The following MUC13 variants were observed in gnomAD, a reference collection of about 807,000 sequenced individuals.
MUC13 encodes the protein mucin 13, cell surface associated.
Under a neutral mutation model 48.3 loss-of-function variants are expected in MUC13, and 32 were observed. That is an observed-to-expected ratio of 0.66 (90% CI 0.50 to 0.89). MUC13 has a LOEUF of 0.89. Among genes scored for constraint, MUC13 ranks in the 40% least tolerant of loss-of-function variants. The pLI, the probability that MUC13 is intolerant of heterozygous loss-of-function variation, is 0.00. For synonymous variants in MUC13, 199 were observed against 224.9 expected, an observed-to-expected ratio of 0.88 and a Z score of 1.03; for missense variants, 571 against 622.8, an observed-to-expected ratio of 0.92 and a Z score of 0.88.
intron 1 of MUC13, among the ~76,000 whole-genome samples, chr3:124,931,920 C>T (rs992595343): frequency 1.1e-4 from 16 of 151,818 alleles, no homozygotes; most frequent in African/African-American, 3.9e-4. Flanking sequence ...TAGTGAGCAC[C>T]TGTAATCCCA....
intron 11 of MUC13, 81 bp downstream of exon 11, chr3:124,908,066 A>C: frequency 7.3e-7 from 1 of 1,370,384 alleles, no homozygotes; most frequent in Non-Finnish European, 1.0e-6. Flanking sequence ...GCAGCCAAGG[A>C]TTGAAGATTC....
Position 124,908,158 on chromosome 3 carries a change from G to A in MUC13, c.1528C>T (p.Pro510Ser). ...GCCCACTGACTCACCTAATAGTCAG[G>A]GCGGGGCATGCTGCTGTGTCTTGAA... ...PYSRHSSMPR[P>S]DY Residue 510 changes from proline (P) to serine (S), a missense_variant, in exon 11 of 12, where the codon CCT (proline) becomes TCT (serine). Transcript: ENST00000616727. The A allele has an allele frequency of 6.2e-7, 1 of 1,614,078 alleles. No homozygotes were observed. Among genetic ancestry groups the A allele is most frequent in the East Asian group, 2.2e-5 (1 of 44,886 alleles).
rs1409847467 is a variant in MUC13 at position 124,907,657 on chromosome 3, T to TATAG, written c.*489_*490insCTAT. Among the ~76,000 whole-genome samples, 1,105 of 143,928 alleles carry TATAG rather than the reference T, an allele frequency of 7.7e-3. 15 individuals carry two copies. The highest frequency in any genetic ancestry group is 0.027 in the African/African-American group (1,030 of 38,796). The allele number at this position is 143,928 out of a possible 152,430, so 94.4% of individuals were successfully genotyped here. A position where few individuals can be genotyped will look rare whatever the true frequency, so the allele number is the denominator to read the frequency against. ...AACAAATAGAACTTATATATATATA[T>TATAG]AGAGAGAGAGAGAGAGAGAGAGAGT... On this transcript the variant is annotated intron_variant, in intron 11 of 11. Coordinates refer to ENST00000616727, the MANE Select transcript of MUC13 (RefSeq NM_033049.4).
At position 124,920,182 on chromosome 3, in the gene MUC13, G is replaced by A. The variant is rs550067570; in HGVS notation, c.800+52C>T. The A allele has an allele frequency of 3.1e-5, 46 of 1,493,970 alleles. No homozygotes were observed. In the South Asian group the frequency reaches 3.2e-4, roughly 10 times the overall value. The allele number at this position is 1,493,970 out of a possible 1,614,324, so 92.5% of individuals were successfully genotyped here. ...TACATGCAGACCTCAAGAGAAGCTC[G>A]GAAGTTAGACAGACACACATCTGCC... is the stretch of plus-strand genomic sequence containing the variant. On this transcript the variant is annotated intron_variant, in intron 5 of 11. Transcript: ENST00000616727.
chr3:124,915,225 G>A (rs995435376), intron 6 of MUC13, among the ~76,000 whole-genome samples: 15 of 152,214 alleles, frequency 9.9e-5, no homozygotes, highest in African/African-American at 3.4e-4. Flanking sequence ...TCTGATGACT[G>A]TTATGGTGGG....
At chr3:124,912,178 A>G (rs766533275) in intron 8 of MUC13, 37 bp from the exon 9 acceptor site, 2 of 1,608,134 alleles carry the variant, frequency 1.2e-6, no homozygotes, top group African/African-American at 1.3e-5. Flanking sequence ...AGTGTTAAAG[A>G]GCCCCTGTGG....
intron 5 of MUC13, among the ~76,000 whole-genome samples, chr3:124,919,996 A>C (rs1384535521): frequency 6.6e-6 from 1 of 152,240 alleles, no homozygotes; most frequent in East Asian, 1.9e-4. Flanking sequence ...GTTGTTGCAT[A>C]GCCAATCACA....
At chr3:124,927,247 A>C (rs988253526) in intron 2 of MUC13, among the ~76,000 whole-genome samples, 1 of 152,174 alleles carries the variant, frequency 6.6e-6, no homozygotes, top group Admixed American at 6.5e-5. Context: ...AAAGCTATAG[A>C]GCTACCTTTC....
intron 1 of MUC13, among the ~76,000 whole-genome samples, chr3:124,931,467 G>A (rs1935795678): frequency 6.6e-6 from 1 of 151,824 alleles, no homozygotes; most frequent in Non-Finnish European, 1.5e-5. Flanking sequence ...AAATTTTCAG[G>A]CCAGGCGCGG....
At chr3:124,921,067 T>G (rs1935586629) in intron 4 of MUC13, among the ~76,000 whole-genome samples, 1 of 152,194 alleles carries the variant, frequency 6.6e-6, no homozygotes, top group Non-Finnish European at 1.5e-5. Context: ...ATGTTACCAG[T>G]TCTAATAGTG....
At position 124,906,652 on chromosome 3, in the gene MUC13, G is replaced by A. The variant is rs1013951310; in HGVS notation, c.*91C>T. ...AACCCCGGAGGCCAGATCTTTACTG[G>A]TGCTCACTTCTCCATCAGTCTTTCT... On this transcript the variant is annotated 3_prime_UTR_variant, in exon 12 of 12. Coordinates refer to ENST00000616727, the MANE Select transcript of MUC13 (RefSeq NM_033049.4). 6.6e-6 allele frequency: 1 copy of A among 152,102 alleles called. No homozygotes were observed. Among genetic ancestry groups the A allele is most frequent in the Admixed American group, 6.5e-5 (1 of 15,270 alleles). The allele number at this position is 152,102 out of a possible 1,614,324, so 9.4% of individuals were successfully genotyped here.
chr3:124,913,478 A>G, intron 7 of MUC13, 84 bp downstream of exon 7: 1 of 1,596,892 alleles, frequency 6.3e-7, no homozygotes, highest in South Asian at 1.1e-5. Context: ...ATGCATGTGG[A>G]AACTAAAGGA....
In MUC13 at chr3:124,918,317, G is replaced by T. The variant is rs573319972; in HGVS notation, c.801-1837C>A. Among the ~76,000 whole-genome samples, 5 of 152,322 alleles carry T rather than the reference G, an allele frequency of 3.3e-5. No homozygotes were observed. The South Asian group carries it at 6.2e-4, about 19-fold the overall frequency. ...TTTGCCCTGCACTGGCCCCTGAGGTGGGGGAAGTAGTTCCCTCCATGCCTC... is the reference window on the plus strand; with the variant it reads ...TTTGCCCTGCACTGGCCCCTGAGGTTGGGGAAGTAGTTCCCTCCATGCCTC... On this transcript the variant is annotated intron_variant, in intron 5 of 11. Coordinates refer to ENST00000616727, the MANE Select transcript of MUC13 (RefSeq NM_033049.4).
chr3:124,923,031 C>T (rs981977143), intron 3 of MUC13, among the ~76,000 whole-genome samples: 10 of 147,450 alleles, frequency 6.8e-5, no homozygotes, highest in Non-Finnish European at 1.3e-4. Flanking sequence ...CCCCAGTGGG[C>T]AATGCAATGC....
intron 6 of MUC13, 149 bp from the exon 7 acceptor site, chr3:124,913,830 A>G: frequency 1.3e-6 from 1 of 785,052 alleles, no homozygotes; most frequent in Non-Finnish European, 2.1e-6. Context: ...TAATCCCAGC[A>G]CTTTAGAAGG....
intron 5 of MUC13, among the ~76,000 whole-genome samples, chr3:124,917,973 A>G (rs530324012): frequency 9.8e-4 from 150 of 152,308 alleles, no homozygotes; most frequent in African/African-American, 3.4e-3. Context: ...AAACGGTTAA[A>G]GGGAACATTG....
At chr3:124,918,832 G>A (rs775512655) in intron 5 of MUC13, among the ~76,000 whole-genome samples, 10 of 152,088 alleles carry the variant, frequency 6.6e-5, no homozygotes, top group African/African-American at 1.9e-4. Flanking sequence ...GCAGCTGTCC[G>A]CTGTACACCT....
intron 10 of MUC13, among the ~76,000 whole-genome samples, chr3:124,909,029 C>T (rs1246938354): frequency 2.6e-5 from 4 of 152,128 alleles, no homozygotes; most frequent in African/African-American, 4.8e-5. Context: ...TGGCATGTGC[C>T]TCTAGTCCCA....
At chr3:124,917,786 G>T (rs1037081746) in intron 5 of MUC13, among the ~76,000 whole-genome samples, 2 of 151,934 alleles carry the variant, frequency 1.3e-5, no homozygotes, top group African/African-American at 4.8e-5. Context: ...GAGTGGCAGT[G>T]GAATGTAATA....
Sources: gnomAD v4.1 joint callset for allele counts (sites outside exome capture counted in the v4.1 genomes callset) on GRCh38, gnomAD v4.1.1 for gene constraint, MANE v1.5 for transcripts, NCBI Gene and HGNC (gene_info 2026-07-23, HGNC 2026-07-21) for gene names.